The following CDK5RAP3 variants were observed in gnomAD, a reference collection of about 807,000 sequenced individuals.
CDK5RAP3 encodes CDK5 regulatory subunit associated protein 3.
Under a neutral mutation model 73.3 loss-of-function variants are expected in CDK5RAP3, and 58 were observed. The ratio of observed to expected loss-of-function variants is 0.79; its 90% CI spans 0.64 to 0.98. The LOEUF is 0.98. CDK5RAP3 is among the 50% of genes least tolerant of loss of function. CDK5RAP3 has a pLI of 0.00. For missense variants in CDK5RAP3, 525 were observed against 615.8 expected (o/e 0.85, Z 1.56); for synonymous variants, 224 against 247.5 (o/e 0.91, Z 0.89).
At chr17:47,970,527 T>G (rs2036236076), upstream of CDK5RAP3, 5 of 754,882 alleles carry the variant, frequency 6.6e-6, no homozygotes, top group East Asian at 1.1e-4. Flanking sequence ...GCTCTTCGTT[T>G]AGACTCAATG....
chr17:47,969,880 T>G (rs892073825), upstream of CDK5RAP3, among the ~76,000 whole-genome samples: 3 of 152,176 alleles, frequency 2.0e-5, no homozygotes, highest in African/African-American at 4.8e-5. Context: ...CTGCTCAGCA[T>G]CCTGCATCCC....
chr17:47,972,575 A>G (rs867580900), intron 2 of CDK5RAP3, among the ~76,000 whole-genome samples: 9 of 151,842 alleles, frequency 5.9e-5, no homozygotes, highest in South Asian at 2.1e-4. Flanking sequence ...CTCCCTTCAG[A>G]TTTGTACTGG....
Position 47,973,963 on chromosome 17 carries a change from G to C in CDK5RAP3, c.217G>C (p.Asp73His). The change falls in exon 4 of 14, where the codon GAC becomes CAC. Residue 73 changes from aspartate to histidine, a missense_variant. Asp to His is a moderately conservative substitution (Grantham distance 81, BLOSUM62 -1). This residue lies in a region of CDK5RAP3 where 409 missense variants were observed against 429.8 expected (regional missense o/e 0.95). Coordinates refer to ENST00000338399, the MANE Select transcript of CDK5RAP3 (RefSeq NM_176096.3). ...IHYFHCLRIL[D>H]LLKGTEASTK... is the part of the protein sequence containing the mutation. The stretch of plus-strand genomic sequence containing the variant: ...CTACTTTCACTGCCTAAGAATCCTG[G>C]ACCTTCTCAAAGGCACAGAGGCCTC... 6.2e-7 allele frequency: 1 copy of C among 1,614,086 alleles called. No homozygotes were observed. The highest frequency in any genetic ancestry group is 1.1e-5 in the South Asian group (1 of 91,086).
intron 8 of CDK5RAP3, chr17:47,976,316 C>T: frequency 2.4e-6 from 1 of 410,622 alleles, no homozygotes; most frequent in Non-Finnish European, 4.4e-6. Context: ...GTGCTCTCTA[C>T]AGAAGCAGCT....
upstream of CDK5RAP3, among the ~76,000 whole-genome samples, chr17:47,969,556 CAAAAAAAAAAAAA>C (rs36208323): frequency 3.1e-4 from 25 of 79,856 alleles, no homozygotes; most frequent in East Asian, 8.4e-4. Context: ...GACTCCGTCT[CAAAAAAAAAAAAA>C]AAAAAAAAAA....
chr17:47,970,972 G>A (rs912384690), upstream of CDK5RAP3: 2 of 1,461,784 alleles, frequency 1.4e-6, no homozygotes, highest in Admixed American at 2.5e-5. Context: ...AGCCTGGGGT[G>A]GGCGGGGCTT....
intron 9 of CDK5RAP3, 133 bp downstream of exon 9, chr17:47,976,955 T>C: frequency 2.0e-6 from 1 of 508,378 alleles, no homozygotes; most frequent in South Asian, 2.5e-5. Context: ...GAGGCAGAGT[T>C]TCACACGTCA....
intron 5 of CDK5RAP3, chr17:47,974,843 TGTTTGG>T (rs2036360996): frequency 4.7e-6 from 6 of 1,277,850 alleles, no homozygotes; most frequent in Non-Finnish European, 5.0e-6. Flanking sequence ...GGACTAACTG[TGTTTGG>T]GTTGGGTGTA....
chr17:47,971,137 T>C lies in CDK5RAP3; in HGVS notation c.-10T>C. 1 of 1,550,676 alleles carries C rather than the reference T, an allele frequency of 6.4e-7. No homozygotes were observed. Among genetic ancestry groups the C allele is most frequent in the Non-Finnish European group, 8.7e-7 (1 of 1,146,518 alleles). On this transcript the variant is annotated 5_prime_UTR_variant, in exon 1 of 14. Transcript: ENST00000338399. ...CACAGTCTCCAGCCTGAAGCGGAAG[T>C]GGAGGAAAGATGGAGGTGTGGGGAC... is the stretch of plus-strand genomic sequence containing the variant.
Position 47,980,756 on chromosome 17 carries a change from G to A in CDK5RAP3, c.1241G>A (p.Ser414Asn). Residue 414 changes from serine (S) to asparagine (N), a missense_variant, in exon 12 of 14, where the codon AGT becomes AAT. Physicochemically the swap from Ser to Asn is conservative, Grantham distance 46. Transcript: ENST00000338399. ...VLEDLIGKLT[S>N]LQLQHLFMIL... Reference sequence around the variant, plus strand: ...GAGGATCTGATTGGCAAGCTTACCAGTCTTCAGCTGCAACACCTGTTTATG... The same window carrying A: ...GAGGATCTGATTGGCAAGCTTACCAATCTTCAGCTGCAACACCTGTTTATG... 1.2e-6 allele frequency: 2 copies of A among 1,614,168 alleles called. No individual in the cohort carries two copies. The highest frequency in any genetic ancestry group is 1.7e-6 in the Non-Finnish European group (2 of 1,180,038).
intron 3 of CDK5RAP3, 50 bp from the exon 4 acceptor site, chr17:47,973,881 T>C: frequency 7.0e-7 from 1 of 1,419,056 alleles, no homozygotes; most frequent in East Asian, 2.3e-5. Flanking sequence ...GTGCCCAGAG[T>C]AGGTGAAGAA....
chr17:47,980,561 A>G, intron 11 of CDK5RAP3, 32 bp from the exon 12 acceptor site: 1 of 1,602,960 alleles, frequency 6.2e-7, no homozygotes. Flanking sequence ...GCCATCATGT[A>G]CAGCCTGAAC....
chr17:47,974,060 G>A, intron 4 of CDK5RAP3, 29 bp downstream of exon 4: 7 of 1,496,294 alleles, frequency 4.7e-6, no homozygotes, highest in Non-Finnish European at 6.5e-6. Flanking sequence ...CCGGTAGTAT[G>A]TGGTTGGGGA....
intron 12 of CDK5RAP3, 112 bp from the exon 13 acceptor site, chr17:47,981,051 G>A (rs2036540927): frequency 3.4e-6 from 4 of 1,190,550 alleles, no homozygotes; most frequent in South Asian, 2.9e-5. Flanking sequence ...GGATGTGAGG[G>A]TAAGCGGCCA....
At chr17:47,981,363 G>C (rs1415584581) in intron 13 of CDK5RAP3, 29 bp downstream of exon 13, 1 of 1,613,830 alleles carries the variant, frequency 6.2e-7, no homozygotes, top group African/African-American at 1.3e-5. Context: ...GCCTGCCAGT[G>C]GGAGGACTCC....
In CDK5RAP3 at chr17:47,981,145, C is replaced by G. The variant is rs779955418; in HGVS notation, c.1284-18C>G. 1.2e-6 allele frequency: 2 copies of G among 1,606,934 alleles called. No homozygotes were observed. The highest frequency in any genetic ancestry group is 1.7e-6 in the Non-Finnish European group (2 of 1,174,592). ...GGATGCACAGCTAACCCAGCACTCACCTGAGTGCCCCGCACAGGTATGTGG... is the reference window on the plus strand; with the variant it reads ...GGATGCACAGCTAACCCAGCACTCAGCTGAGTGCCCCGCACAGGTATGTGG... On this transcript the variant is annotated intron_variant, in intron 12 of 13. Coordinates refer to ENST00000338399, the MANE Select transcript of CDK5RAP3 (RefSeq NM_176096.3).
At chr17:47,968,090 C>T (rs1317467082), upstream of CDK5RAP3, among the ~76,000 whole-genome samples, 2 of 152,080 alleles carry the variant, frequency 1.3e-5, no homozygotes, top group Non-Finnish European at 2.9e-5. Context: ...AGGGCAGTGC[C>T]TTGCTCTTGA....
intron 11 of CDK5RAP3, chr17:47,980,117 A>C (rs1422214059): frequency 6.1e-6 from 1 of 164,396 alleles, no homozygotes; most frequent in African/African-American, 2.4e-5. Context: ...GTGGGGACTG[A>C]AGGGTGACAG....
chr17:47,975,669 C>T lies in CDK5RAP3; in HGVS notation c.653+16C>T. 1.3e-6 allele frequency: 2 copies of T among 1,585,912 alleles called. No individual in the cohort carries two copies. The highest frequency in any genetic ancestry group is 1.7e-6 in the Non-Finnish European group (2 of 1,169,478). The stretch of plus-strand genomic sequence containing the variant: ...TGTGTGAGAGGTAGAGAGGCCTCAG[C>T]TTCTCCTGGTGGGGGTGCTTTGCCT... On this transcript the variant is annotated intron_variant, in intron 7 of 13. Coordinates refer to ENST00000338399, the MANE Select transcript of CDK5RAP3 (RefSeq NM_176096.3).
Sources: allele counts gnomAD v4.1 joint callset (sites outside exome capture counted in the v4.1 genomes callset), GRCh38; gene constraint gnomAD v4.1.1; regional missense constraint gnomAD v4.1.1; transcripts MANE v1.5; gene names NCBI Gene and HGNC (gene_info 2026-07-23, HGNC 2026-07-21).